The following CDKL4 variants were observed in gnomAD, a reference collection of about 807,000 sequenced individuals.
CDKL4 encodes cyclin dependent kinase like 4, also known as cyclin-dependent kinase-like 4.
Under a neutral mutation model 42.0 loss-of-function variants are expected in CDKL4, and 44 were observed. The observed-to-expected ratio is 1.05, with a 90% CI of 0.82 to 1.35. CDKL4 has a LOEUF of 1.35. Ranked by LOEUF, CDKL4 falls within the 40% of genes most tolerant of loss-of-function variation. The pLI is 0.00. For synonymous variants in CDKL4, 120 were observed against 121.6 expected (o/e 0.99, Z 0.09); for missense variants, 393 against 369.9 (o/e 1.06, Z -0.51).
At chr2:39,228,988 G>A (rs756897615) in intron 2 of CDKL4, among the ~76,000 whole-genome samples, 41 of 152,186 alleles carry the variant, frequency 2.7e-4, no homozygotes, top group Non-Finnish European at 2.4e-4. Context: ...CCAGGGCATT[G>A]GTGCGGTCCT....
At chr2:39,238,639 T>C (rs1679491317) in intron 1 of CDKL4, among the ~76,000 whole-genome samples, 1 of 152,226 alleles carries the variant, frequency 6.6e-6, no homozygotes, top group African/African-American at 2.4e-5. Context: ...TATAAAGTTA[T>C]GGTAAATCAA....
chr2:39,220,911 A>G (rs1678278605), intron 3 of CDKL4, among the ~76,000 whole-genome samples: 1 of 123,748 alleles, frequency 8.1e-6, no homozygotes, highest in Non-Finnish European at 1.7e-5. Context: ...GCTGTAATTT[A>G]GTCGTTGGGT....
chr2:39,196,212 C>A (rs1005704889), intron 5 of CDKL4, among the ~76,000 whole-genome samples: 6 of 152,188 alleles, frequency 3.9e-5, no homozygotes, highest in African/African-American at 1.4e-4. Context: ...AGTCAACCAA[C>A]ATAAAACCAG....
chr2:39,178,717 T>C (rs772352875), intron 9 of CDKL4: 2 of 1,609,214 alleles, frequency 1.2e-6, no homozygotes, highest in South Asian at 2.2e-5. Context: ...TGGCAGATCT[T>C]GGTTTTGAGA....
chr2:39,186,301 G>C (rs997193863), intron 7 of CDKL4, among the ~76,000 whole-genome samples: 21 of 152,124 alleles, frequency 1.4e-4, no homozygotes, highest in African/African-American at 4.8e-4. Flanking sequence ...TCTAGAGATG[G>C]TTGGGACCAT....
chr2:39,184,660 G>A lies in CDKL4; in HGVS notation c.736-13C>T, dbSNP rs1242072348. ...CCTCAAGAGTTTCCTGAAAAACAAG[G>A]TTAAAACATTCAATATTACATAAGA... On this transcript the variant is annotated splice_polypyrimidine_tract_variant and intron_variant, in intron 7 of 9. Coordinates refer to ENST00000451199, the Ensembl canonical transcript of CDKL4. 1 of 1,594,122 alleles carries A rather than the reference G, an allele frequency of 6.3e-7. No homozygotes were observed. Among genetic ancestry groups the A allele is most frequent in the South Asian group, 1.1e-5 (1 of 90,324 alleles).
chr2:39,178,019 C>A (rs911302305), intron 9 of CDKL4, among the ~76,000 whole-genome samples: 2 of 152,202 alleles, frequency 1.3e-5, no homozygotes, highest in Non-Finnish European at 2.9e-5. Context: ...TGTCCTTTTA[C>A]ACACAATTCA....
At chr2:39,215,268 T>C (rs1677846240) in intron 3 of CDKL4, among the ~76,000 whole-genome samples, 1 of 152,240 alleles carries the variant, frequency 6.6e-6, no homozygotes. Context: ...CACACCCTTA[T>C]TGGATACTAC....
downstream of CDKL4, among the ~76,000 whole-genome samples, chr2:39,171,931 C>T (rs1675010439): frequency 6.6e-6 from 1 of 152,122 alleles, no homozygotes; most frequent in Non-Finnish European, 1.5e-5. Flanking sequence ...AGAAACTGCA[C>T]AAGAGCCTAA....
intron 3 of CDKL4, among the ~76,000 whole-genome samples, chr2:39,218,316 C>T (rs1208194037): frequency 2.6e-5 from 4 of 152,000 alleles, no homozygotes; most frequent in Non-Finnish European, 4.4e-5. Context: ...GCCTGGGCCA[C>T]ATGGCAAGAC....
intron 5 of CDKL4, among the ~76,000 whole-genome samples, chr2:39,193,858 G>A (rs1418203946): frequency 6.6e-6 from 1 of 152,198 alleles, no homozygotes; most frequent in Admixed American, 6.5e-5. Flanking sequence ...GCCCCATGTT[G>A]TGAGCTGTAG....
At chr2:39,217,764 G>C (rs973079532) in intron 3 of CDKL4, among the ~76,000 whole-genome samples, 1 of 150,752 alleles carries the variant, frequency 6.6e-6, no homozygotes, top group Non-Finnish European at 1.5e-5. Flanking sequence ...ATAGAGTTTC[G>C]CTCTTGTTGC....
intron 9 of CDKL4, 131 bp downstream of exon 9, chr2:39,179,056 G>C (rs1675289595): frequency 1.3e-6 from 2 of 1,501,700 alleles, no homozygotes; most frequent in Non-Finnish European, 1.8e-6. Flanking sequence ...TATTTATTAA[G>C]CTAGACAAAT....
Position 39,185,284 on chromosome 2 carries a change from A to G in CDKL4, c.736-637T>C, listed in dbSNP as rs13397755. On this transcript the variant is annotated intron_variant, in intron 7 of 9. Coordinates refer to ENST00000451199, the Ensembl canonical transcript of CDKL4. ...TATATACATATATATACACATATGT[A>G]TATATACATATATATACACATATGT... Among the ~76,000 whole-genome samples, 20 of 33,546 alleles carry G rather than the reference A, an allele frequency of 6.0e-4. 1 individual carries two copies. Among genetic ancestry groups the G allele is most frequent in the African/African-American group, 1.3e-3 (13 of 9,742 alleles). The allele number at this position is 33,546 out of a possible 152,430, so 22.0% of individuals were successfully genotyped here.
chr2:39,226,123 A>G, intron 2 of CDKL4, among the ~76,000 whole-genome samples, 163 bp from the exon 3 acceptor site: 1 of 152,200 alleles, frequency 6.6e-6, no homozygotes. Flanking sequence ...GATAGCAAGT[A>G]AAGTATGTAA....
rs1442705793 is a variant in CDKL4 at position 39,185,350 on chromosome 2, ATG to A, written c.736-705_736-704del. ...TACACATATGTATATATATACACAT[ATG>A]TATATATACATATATATATACATAT... is the stretch of plus-strand genomic sequence containing the variant. On this transcript the variant is annotated intron_variant, in intron 7 of 9. Coordinates refer to ENST00000451199, the Ensembl canonical transcript of CDKL4. Among the ~76,000 whole-genome samples the A allele has an allele frequency of 2.7e-3, 305 of 112,756 alleles. 140 individuals carry two copies. The highest frequency in any genetic ancestry group is 8.3e-3 in the Middle Eastern group (2 of 240). 74.0% of individuals were successfully genotyped at this position (112,756 alleles called of 152,430 possible).
At position 39,184,577 on chromosome 2, in the gene CDKL4, T is replaced by G; in HGVS notation, c.792+14A>C. The G allele has an allele frequency of 1.3e-6, 2 of 1,594,936 alleles. No individual in the cohort carries two copies. The highest frequency in any genetic ancestry group is 1.7e-6 in the Non-Finnish European group (2 of 1,164,370). ...ATTTATAGCTAATAAGAGTTATAAT[T>G]GATTCTTAAGTACCTTCATGAAGTT... On this transcript the variant is annotated intron_variant, in intron 8 of 9. Transcript: ENST00000451199.
In CDKL4 at chr2:39,229,350, A is replaced by G. The variant is rs754046232; in HGVS notation, c.168+15T>C. The G allele has an allele frequency of 6.6e-7, 1 of 1,523,418 alleles. No homozygotes were observed. The highest frequency in any genetic ancestry group is 8.9e-7 in the Non-Finnish European group (1 of 1,121,428). The allele number at this position is 1,523,418 out of a possible 1,614,324, so 94.4% of individuals were successfully genotyped here. On this transcript the variant is annotated intron_variant, in intron 2 of 9. Coordinates refer to ENST00000451199, the Ensembl canonical transcript of CDKL4. ...CAATTCCATGATATTTTACATATAT[A>G]TAAAGTTAACTTACCTTCAACATAC...
At chr2:39,230,374 T>C (rs1230773119) in intron 1 of CDKL4, among the ~76,000 whole-genome samples, 1 of 152,216 alleles carries the variant, frequency 6.6e-6, no homozygotes, top group Non-Finnish European at 1.5e-5. Flanking sequence ...AGAATCCTTT[T>C]AGGGTATTTA....
Sources: allele counts gnomAD v4.1 joint callset (sites outside exome capture counted in the v4.1 genomes callset), GRCh38; gene constraint gnomAD v4.1.1; transcripts MANE v1.5; gene names NCBI Gene and HGNC (gene_info 2026-07-23, HGNC 2026-07-21).